Variants in KCMF1 observed in about 807,000 individuals in gnomAD.
KCMF1 encodes the protein potassium channel modulatory factor 1, also known as E3 ubiquitin-protein ligase KCMF1.
A neutral mutation model predicts 41.1 loss-of-function variants in KCMF1; 3 were observed. The observed-to-expected ratio is 0.07, with a 90% confidence interval of 0.03 to 0.19. The LOEUF (loss-of-function observed/expected upper bound fraction) is 0.19, where lower values mean the gene tolerates loss of function less well. Among genes scored for constraint, KCMF1 ranks in the 10% least tolerant of loss-of-function variants. KCMF1 has a pLI of 1.00. For missense variants in KCMF1, 286 were observed against 488.9 expected (o/e 0.58, Z 3.91); for synonymous variants, 142 against 164.5 (o/e 0.86, Z 1.04).
At chr2:85,006,837 C>T (rs933783988) in intron 1 of KCMF1, among the ~76,000 whole-genome samples, 6 of 151,214 alleles carry the variant, frequency 4.0e-5, no homozygotes, top group Admixed American at 6.6e-5. Flanking sequence ...CGGCCAGGCG[C>T]GGTGCTCATG....
intron 2 of KCMF1, among the ~76,000 whole-genome samples, chr2:85,028,620 G>C (rs905386110): frequency 6.6e-6 from 1 of 150,742 alleles, no homozygotes; most frequent in Non-Finnish European, 1.5e-5. Flanking sequence ...CTCCCAAGGA[G>C]CTGGGATTAC....
intron 1 of KCMF1, among the ~76,000 whole-genome samples, chr2:84,975,129 G>A (rs937219656): frequency 1.3e-5 from 2 of 152,090 alleles, no homozygotes; most frequent in African/African-American, 2.4e-5. Flanking sequence ...TGGACCGGCC[G>A]TGGTGGCTCA....
intron 6 of KCMF1, 24 bp downstream of exon 6, chr2:85,049,672 T>C (rs1294418163): frequency 6.3e-7 from 1 of 1,583,788 alleles, no homozygotes; most frequent in Non-Finnish European, 8.6e-7. Context: ...TAATAGAATT[T>C]TGTTTGGGAA....
intron 1 of KCMF1, among the ~76,000 whole-genome samples, chr2:84,982,177 G>A (rs184027901): frequency 1.1e-4 from 17 of 152,126 alleles, no homozygotes; most frequent in Admixed American, 2.6e-4. Flanking sequence ...TTTGTGTTAC[G>A]GGTTTTTGTG....
chr2:84,977,583 C>CTTTTTTTTTTTTTTTTTTT (rs772731086), intron 1 of KCMF1, among the ~76,000 whole-genome samples: 1 of 144,556 alleles, frequency 6.9e-6, no homozygotes, highest in Non-Finnish European at 1.5e-5. Context: ...CCACACCCGA[C>CTTTTTTTTTTTTTTTTTTT]TTTTTTTTTT....
chr2:85,009,162 C>G (rs1380634236), intron 1 of KCMF1, among the ~76,000 whole-genome samples: 1 of 152,136 alleles, frequency 6.6e-6, no homozygotes, highest in East Asian at 1.9e-4. Flanking sequence ...CCTTGCTGTT[C>G]TTGAGATAGT....
chr2:85,046,560 G>A (rs1002502881), intron 5 of KCMF1, among the ~76,000 whole-genome samples: 41 of 151,698 alleles, frequency 2.7e-4, no homozygotes, highest in Admixed American at 2.6e-3. Context: ...AGCCTGAAAG[G>A]TGGAGGTTCC....
chr2:84,980,570 GCTCT>G (rs1280883280), intron 1 of KCMF1, among the ~76,000 whole-genome samples: 1 of 152,006 alleles, frequency 6.6e-6, no homozygotes, highest in African/African-American at 2.4e-5. Context: ...TTAGTTGTTG[GCTCT>G]CTGAGTTGTA....
At chr2:85,034,059 GAT>G (rs1193879272) in intron 2 of KCMF1, among the ~76,000 whole-genome samples, 1 of 151,760 alleles carries the variant, frequency 6.6e-6, no homozygotes, top group African/African-American at 2.4e-5. Flanking sequence ...AGCCGGATGT[GAT>G]GGCACACACC....
At chr2:85,028,085 A>G (rs200174595) in intron 2 of KCMF1, 29 bp downstream of exon 2, 7 of 1,429,426 alleles carry the variant, frequency 4.9e-6, no homozygotes, top group South Asian at 2.5e-5. Context: ...AATGAATTAC[A>G]TCATTTAGAA....
At chr2:84,986,600 G>C (rs565600627) in intron 1 of KCMF1, among the ~76,000 whole-genome samples, 1 of 152,050 alleles carries the variant, frequency 6.6e-6, no homozygotes, top group Non-Finnish European at 1.5e-5. Context: ...AGGCTGGGCC[G>C]GGTGCGGTGG....
chr2:85,013,052 G>C (rs778312068), intron 1 of KCMF1, among the ~76,000 whole-genome samples: 1 of 152,134 alleles, frequency 6.6e-6, no homozygotes, highest in Non-Finnish European at 1.5e-5. Flanking sequence ...AGTTGTGTCA[G>C]GGTGAGTCTG....
At chr2:85,006,655 C>G (rs1036587022) in intron 1 of KCMF1, among the ~76,000 whole-genome samples, 20 of 151,922 alleles carry the variant, frequency 1.3e-4, no homozygotes, top group African/African-American at 4.6e-4. Context: ...TAATATTTGC[C>G]ATTTTAAAGA....
At chr2:85,028,645 A>G (rs896783627) in intron 2 of KCMF1, among the ~76,000 whole-genome samples, 3 of 151,684 alleles carry the variant, frequency 2.0e-5, no homozygotes, top group East Asian at 3.9e-4. Context: ...GTGCACCACC[A>G]TGCCCGGCTG....
At chr2:85,040,920 C>G (rs1477835499) in intron 3 of KCMF1, among the ~76,000 whole-genome samples, 1 of 151,996 alleles carries the variant, frequency 6.6e-6, no homozygotes, top group African/African-American at 2.4e-5. Flanking sequence ...GCCACCATGC[C>G]CAGGTCATTT....
intron 1 of KCMF1, among the ~76,000 whole-genome samples, chr2:85,000,188 C>T (rs149071091): frequency 0.015 from 2,329 of 152,096 alleles, 31 homozygotes; most frequent in South Asian, 0.063. Flanking sequence ...TGCAGTGGCA[C>T]AGTCTCGGCT....
chr2:85,036,937 G>T (rs1032627630), intron 3 of KCMF1, among the ~76,000 whole-genome samples: 2 of 150,166 alleles, frequency 1.3e-5, no homozygotes, highest in South Asian at 4.2e-4. Context: ...CACCCCTCAG[G>T]GGCAAGGCAA....
intron 1 of KCMF1, among the ~76,000 whole-genome samples, chr2:84,981,825 C>G (rs1370589670): frequency 6.6e-6 from 1 of 152,088 alleles, no homozygotes; most frequent in East Asian, 1.9e-4. Context: ...GTCGGCCAGG[C>G]TGGAGTTCAG....
chr2:85,010,600 A>G (rs779447508), intron 1 of KCMF1, among the ~76,000 whole-genome samples: 26 of 152,216 alleles, frequency 1.7e-4, no homozygotes, highest in Non-Finnish European at 3.5e-4. Context: ...GGCCAGTGCA[A>G]TTGAGGAACT....
Sources: allele counts gnomAD v4.1 joint callset (sites outside exome capture counted in the v4.1 genomes callset), GRCh38; gene constraint gnomAD v4.1.1; transcripts MANE v1.5; gene names NCBI Gene and HGNC (gene_info 2026-07-23, HGNC 2026-07-21).